Variants in LDB3 observed in about 807,000 individuals in gnomAD.
LDB3 encodes the protein LIM domain-binding protein 3.
In LDB3, 49 loss-of-function variants were observed where a neutral mutation model predicts 69.0. The ratio of observed to expected loss-of-function variants is 0.71; its 90% CI spans 0.56 to 0.90. The LOEUF is 0.90. Ranked by LOEUF, LDB3 falls within the 40% of genes least tolerant of loss-of-function variation. The pLI, the probability that LDB3 is intolerant of heterozygous loss-of-function variation, is 0.00. For synonymous variants in LDB3, 387 were observed against 396.2 expected (o/e 0.98, Z 0.28); for missense variants, 928 against 974.1 (o/e 0.95, Z 0.63).
intron 5 of LDB3, chr10:86,685,793 C>A: frequency 2.9e-6 from 4 of 1,390,032 alleles, no homozygotes; most frequent in Non-Finnish European, 4.1e-6. Context: ...TGCCTGCTGG[C>A]ATGTGTACAT....
chr10:86,719,597 G>T (rs117304734), intron 12 of LDB3, among the ~76,000 whole-genome samples: 2 of 152,014 alleles, frequency 1.3e-5, no homozygotes, highest in Non-Finnish European at 2.9e-5. Flanking sequence ...TACTTTCCTC[G>T]TCTGTAAACA....
intron 2 of LDB3, among the ~76,000 whole-genome samples, chr10:86,671,157 C>T (rs1844450594): frequency 6.6e-6 from 1 of 152,206 alleles, no homozygotes; most frequent in Non-Finnish European, 1.5e-5. Context: ...GGATCGTTAC[C>T]TCGCTTCAGA....
At position 86,681,429 on chromosome 10, in the gene LDB3, G is replaced by A; in HGVS notation, c.322-7G>A. ...CTCTCTCCCCTGCATGGCCTGCCCT[G>A]TGCCAGGACCCCGCTCTGGACACGA... On this transcript the variant is annotated splice_polypyrimidine_tract_variant and splice_region_variant and intron_variant, in intron 4 of 13. Coordinates refer to ENST00000361373, the MANE Select transcript of LDB3 (RefSeq NM_007078.3). 2 of 1,600,896 alleles carry A rather than the reference G, an allele frequency of 1.2e-6. No homozygotes were observed. The highest frequency in any genetic ancestry group is 1.7e-6 in the Non-Finnish European group (2 of 1,179,798).
At chr10:86,667,134 T>C (rs1844214935), upstream of LDB3, among the ~76,000 whole-genome samples, 1 of 152,180 alleles carries the variant, frequency 6.6e-6, no homozygotes, top group South Asian at 2.1e-4. Flanking sequence ...GGTCTTTTCC[T>C]GACTTCTTCC....
At chr10:86,679,576 G>C (rs1844998344) in intron 3 of LDB3, 58 bp downstream of exon 3, 1 of 1,578,054 alleles carries the variant, frequency 6.3e-7, no homozygotes, top group African/African-American at 1.3e-5. Context: ...ATGGGGCAGG[G>C]GCCAAAAGAG....
chr10:86,723,810 C>T (rs1404179518), intron 12 of LDB3, among the ~76,000 whole-genome samples: 3 of 152,162 alleles, frequency 2.0e-5, no homozygotes, highest in African/African-American at 7.2e-5. Context: ...TGACAAGCTA[C>T]AATTAAGCAC....
At chr10:86,681,335 C>T (rs1027140122) in intron 4 of LDB3, 101 bp from the exon 5 acceptor site, 6 of 1,547,296 alleles carry the variant, frequency 3.9e-6, no homozygotes, top group Admixed American at 1.7e-5. Context: ...CTGCGGGGCT[C>T]GCGCTAACAC....
chr10:86,710,882 C>T (rs1473679956), intron 9 of LDB3, among the ~76,000 whole-genome samples: 5 of 152,240 alleles, frequency 3.3e-5, no homozygotes, highest in Non-Finnish European at 7.3e-5. Flanking sequence ...GGCAAAGTGC[C>T]TCATCCATCC....
At chr10:86,721,235 G>C (rs4934253) in intron 12 of LDB3, among the ~76,000 whole-genome samples, 1 of 152,172 alleles carries the variant, frequency 6.6e-6, no homozygotes, top group African/African-American at 2.4e-5. Context: ...GCAAACACTT[G>C]TTATTTTCTG....
rs968584402 is a variant in LDB3, at chr10:86,735,274, A to G, written c.*2298A>G. The stretch of plus-strand genomic sequence containing the variant: ...GCAAAAAAAAAACAAAAAAACAAAA[A>G]AAAAACCACTTAAAAGGTAGCAGGA... On this transcript the variant is annotated 3_prime_UTR_variant, in exon 14 of 14. Transcript: ENST00000361373. The G allele has an allele frequency of 3.9e-5, 6 of 152,030 alleles. No individual in the cohort carries two copies. Among genetic ancestry groups the G allele is most frequent in the Non-Finnish European group, 7.4e-5 (5 of 67,996 alleles). The allele number at this position is 152,030 out of a possible 1,614,324, so 9.4% of individuals were successfully genotyped here.
intron 12 of LDB3, among the ~76,000 whole-genome samples, chr10:86,723,267 CTA>C (rs1847147146): frequency 2.8e-5 from 1 of 35,470 alleles, no homozygotes; most frequent in African/African-American, 1.2e-4. Flanking sequence ...AAGACTCAAT[CTA>C]AAAAAAAAAA....
rs534978372 is a variant in LDB3 at position 86,730,009 on chromosome 10, G to T, written c.2095-2878G>T. Among the ~76,000 whole-genome samples, 8 of 152,288 alleles carry T rather than the reference G, an allele frequency of 5.3e-5. No homozygotes were observed. The South Asian group carries it at 1.7e-3, about 32-fold the overall frequency. ...CATAGTCTTTAAATTGTCACCAGCA[G>T]CTTGAGGCCTCCACACGAGCCTGGT... On this transcript the variant is annotated intron_variant, in intron 13 of 13. Coordinates refer to ENST00000361373, the MANE Select transcript of LDB3 (RefSeq NM_007078.3).
At chr10:86,667,494 A>G (rs111417170), upstream of LDB3, among the ~76,000 whole-genome samples, 7 of 152,262 alleles carry the variant, frequency 4.6e-5, 1 homozygote, top group African/African-American at 1.7e-4. Flanking sequence ...CCCATCCAGA[A>G]CACACTGTCT....
At chr10:86,714,697 A>G (rs1379874243) in intron 9 of LDB3, among the ~76,000 whole-genome samples, 1 of 151,678 alleles carries the variant, frequency 6.6e-6, no homozygotes, top group African/African-American at 2.4e-5. Context: ...CTGGGACTAC[A>G]GGCACCCGCC....
intron 5 of LDB3, among the ~76,000 whole-genome samples, chr10:86,682,377 G>A (rs1161215837): frequency 6.6e-6 from 1 of 152,114 alleles, no homozygotes; most frequent in Admixed American, 6.5e-5. Context: ...CTTGGCCAGG[G>A]TGGGGTGGCG....
intron 13 of LDB3, among the ~76,000 whole-genome samples, chr10:86,727,832 C>CTTTT: frequency 7.4e-6 from 1 of 134,372 alleles, no homozygotes; most frequent in Non-Finnish European, 1.6e-5. Flanking sequence ...TGTGGGTCTC[C>CTTTT]TTTTTTTTTT....
chr10:86,731,830 G>T (rs1360680921), intron 13 of LDB3, among the ~76,000 whole-genome samples: 1 of 147,014 alleles, frequency 6.8e-6, no homozygotes, highest in Non-Finnish European at 1.5e-5. Context: ...GCTGATTTTT[G>T]ATTGAATACT....
At chr10:86,703,944 A>G (rs1166512329) in intron 7 of LDB3, among the ~76,000 whole-genome samples, 1 of 151,728 alleles carries the variant, frequency 6.6e-6, no homozygotes, top group Non-Finnish European at 1.5e-5. Flanking sequence ...TGAAACCCCA[A>G]CTCTACTAAA....
chr10:86,668,187 A>C (rs560430116), upstream of LDB3, among the ~76,000 whole-genome samples: 4 of 152,328 alleles, frequency 2.6e-5, no homozygotes, highest in Admixed American at 2.6e-4. Context: ...ACACGGCAGC[A>C]AAGCCCCTAC....
Sources: gnomAD v4.1 joint callset for allele counts (sites outside exome capture counted in the v4.1 genomes callset) on GRCh38, gnomAD v4.1.1 for gene constraint, MANE v1.5 for transcripts, NCBI Gene and HGNC (gene_info 2026-07-23, HGNC 2026-07-21) for gene names.